Variants in SYN2 observed in about 807,000 individuals in gnomAD.
SYN2 encodes synapsin II.
A neutral mutation model predicts 50.9 loss-of-function variants in SYN2; 19 were observed. The ratio of observed to expected loss-of-function variants is 0.37; its 90% CI spans 0.26 to 0.55. SYN2 has a LOEUF of 0.55. Ranked by LOEUF, SYN2 falls within the 20% of genes least tolerant of loss-of-function variation. The probability of loss-of-function intolerance (pLI) is 0.81; values close to 1 mark genes in which losing one functional copy is unlikely to be tolerated. For synonymous variants in SYN2, 255 were observed against 224.9 expected (o/e 1.13, Z -1.20); for missense variants, 587 against 576.4 (o/e 1.02, Z -0.19).
chr3:12,095,459 A>T (rs1034499119), intron 1 of SYN2, among the ~76,000 whole-genome samples: 2 of 127,664 alleles, frequency 1.6e-5, no homozygotes, highest in African/African-American at 6.1e-5. Flanking sequence ...GAGGCAGGAG[A>T]ATGGTGTGAA....
At chr3:12,091,285 TATTTA>T (rs1229399072) in intron 1 of SYN2, among the ~76,000 whole-genome samples, 1 of 152,186 alleles carries the variant, frequency 6.6e-6, no homozygotes, top group Non-Finnish European at 1.5e-5. Context: ...TCATTACTCT[TATTTA>T]AGGAGCATGG....
intron 10 of SYN2, among the ~76,000 whole-genome samples, chr3:12,174,920 A>G (rs906974844): frequency 2.0e-4 from 30 of 152,224 alleles, no homozygotes; most frequent in African/African-American, 6.5e-4. Flanking sequence ...ATTCTTGTCT[A>G]TTTAATTGTC....
chr3:12,125,521 A>T (rs892535723), intron 1 of SYN2, among the ~76,000 whole-genome samples: 12 of 152,234 alleles, frequency 7.9e-5, no homozygotes, highest in African/African-American at 2.7e-4. Flanking sequence ...TTGCTGCTTT[A>T]TTCAGGTCTG....
chr3:12,078,898 A>G (rs1341372910), intron 1 of SYN2, among the ~76,000 whole-genome samples: 1 of 152,178 alleles, frequency 6.6e-6, no homozygotes, highest in East Asian at 1.9e-4. Flanking sequence ...TTTGGGGAGT[A>G]TGGCTATTTT....
chr3:12,171,137 G>C (rs1216413399), intron 10 of SYN2, among the ~76,000 whole-genome samples: 1 of 152,142 alleles, frequency 6.6e-6, no homozygotes, highest in Non-Finnish European at 1.5e-5. Flanking sequence ...TTATATATTA[G>C]CTCTTATGAG....
intron 1 of SYN2, among the ~76,000 whole-genome samples, chr3:12,027,363 A>C (rs185983356): frequency 1.3e-5 from 2 of 152,166 alleles, no homozygotes; most frequent in Admixed American, 1.3e-4. Flanking sequence ...TGTGAATTAC[A>C]TTAGGTTGGA....
In SYN2 at chr3:12,149,061, G is replaced by A. The variant is rs1376759652; in HGVS notation, c.685-2176G>A. Among the ~76,000 whole-genome samples, 3 of 152,162 alleles carry A rather than the reference G, an allele frequency of 2.0e-5. No homozygotes were observed. In the East Asian group the frequency reaches 5.8e-4, roughly 29 times the overall value. Reference sequence around the variant, plus strand: ...CAGGGACTGCTGGAGAGGAGGGTGGGGTGAGCTCCCTGAGACCCAACGAGA... The same window carrying A: ...CAGGGACTGCTGGAGAGGAGGGTGGAGTGAGCTCCCTGAGACCCAACGAGA... On this transcript the variant is annotated intron_variant, in intron 4 of 12. Transcript: ENST00000621198.
At chr3:12,009,686 T>C (rs1337618698) in intron 1 of SYN2, among the ~76,000 whole-genome samples, 1 of 152,234 alleles carries the variant, frequency 6.6e-6, no homozygotes, top group Non-Finnish European at 1.5e-5. Context: ...ATGGAGCTGT[T>C]AGTAAGTGCT....
rs150611211 is a variant in SYN2, at chr3:12,071,611, T to G, written c.377+66683T>G. 9 of 331,924 alleles carry G rather than the reference T, an allele frequency of 2.7e-5. No individual in the cohort carries two copies. The East Asian group carries it at 6.1e-4, about 22-fold the overall frequency. The allele number at this position is 331,924 out of a possible 1,614,324, so 20.6% of individuals were successfully genotyped here. A position where few individuals can be genotyped will look rare whatever the true frequency, so the allele number is the denominator to read the frequency against. On this transcript the variant is annotated intron_variant, in intron 1 of 12. Transcript: ENST00000621198. ...AGAATGCCTATACATATCTTTGATTTCTTAGTACAAGTGGCTTGGTCACTT... is the reference window on the plus strand; with the variant it reads ...AGAATGCCTATACATATCTTTGATTGCTTAGTACAAGTGGCTTGGTCACTT...
intron 1 of SYN2, among the ~76,000 whole-genome samples, chr3:12,033,100 G>C (rs1447916246): frequency 6.6e-6 from 1 of 151,394 alleles, no homozygotes; most frequent in East Asian, 2.0e-4. Context: ...CCTTCTAACA[G>C]ACAGGACCCT....
At chr3:12,086,433 A>G (rs1008493384) in intron 1 of SYN2, among the ~76,000 whole-genome samples, 3 of 152,206 alleles carry the variant, frequency 2.0e-5, no homozygotes, top group Non-Finnish European at 2.9e-5. Flanking sequence ...CTACAGGACA[A>G]TATCTTTGAT....
At chr3:12,171,256 A>G (rs1202902406) in intron 10 of SYN2, among the ~76,000 whole-genome samples, 1 of 152,206 alleles carries the variant, frequency 6.6e-6, no homozygotes, top group African/African-American at 2.4e-5. Context: ...TAGAGATGAT[A>G]AAAAGATTTT....
At chr3:12,071,197 G>T in intron 1 of SYN2, 1 of 551,156 alleles carries the variant, frequency 1.8e-6, no homozygotes, top group Non-Finnish European at 3.7e-6. Flanking sequence ...CACTGCCCTG[G>T]CACCCAGCAC....
At chr3:12,069,950 G>A (rs1695308190) in intron 1 of SYN2, among the ~76,000 whole-genome samples, 1 of 151,876 alleles carries the variant, frequency 6.6e-6, no homozygotes, top group Non-Finnish European at 1.5e-5. Context: ...GGGACCACAG[G>A]CACACACCAC....
chr3:12,127,999 G>A (rs1157312163), intron 1 of SYN2, among the ~76,000 whole-genome samples: 1 of 151,640 alleles, frequency 6.6e-6, no homozygotes, highest in Non-Finnish European at 1.5e-5. Flanking sequence ...AGGCTGGAGT[G>A]CAGTGGTGTG....
chr3:12,161,204 GTTCACTC>G (rs1286047539), intron 5 of SYN2, among the ~76,000 whole-genome samples: 4 of 152,316 alleles, frequency 2.6e-5, no homozygotes, highest in East Asian at 1.9e-4. Context: ...ATATAGTAAA[GTTCACTC>G]TTTCAGAGAT....
At chr3:12,116,916 A>AT (rs375054605) in intron 1 of SYN2, among the ~76,000 whole-genome samples, 1 of 151,882 alleles carries the variant, frequency 6.6e-6, no homozygotes, top group African/African-American at 2.4e-5. Flanking sequence ...TGCCCAGCTA[A>AT]TTTTTTATTT....
chr3:12,073,895 G>A (rs1050714160), intron 1 of SYN2, among the ~76,000 whole-genome samples: 1 of 152,018 alleles, frequency 6.6e-6, no homozygotes, highest in African/African-American at 2.4e-5. Flanking sequence ...CACATACTTG[G>A]TAATTTTCTT....
intron 10 of SYN2, among the ~76,000 whole-genome samples, chr3:12,171,570 G>A (rs916739069): frequency 1.3e-5 from 2 of 152,170 alleles, no homozygotes; most frequent in African/African-American, 2.4e-5. Context: ...GGGCCCTTAA[G>A]TACTTATAAA....
Sources: allele counts gnomAD v4.1 joint callset (sites outside exome capture counted in the v4.1 genomes callset), GRCh38; gene constraint gnomAD v4.1.1; transcripts MANE v1.5; gene names NCBI Gene and HGNC (gene_info 2026-07-23, HGNC 2026-07-21).